Variants in SPC25 observed in about 807,000 individuals in gnomAD.
SPC25 encodes the protein SPC25 component of NDC80 kinetochore complex.
In SPC25, 22 loss-of-function variants were observed where a neutral mutation model predicts 29.6. The ratio of observed to expected loss-of-function variants is 0.74; its 90% CI spans 0.53 to 1.06. The LOEUF (loss-of-function observed/expected upper bound fraction) is 1.06. SPC25 is among the 50% of genes least tolerant of loss of function. The pLI, the probability that SPC25 is intolerant of heterozygous loss-of-function variation, is 0.00. For synonymous variants in SPC25, 91 were observed against 90.4 expected (o/e 1.01, Z -0.04); for missense variants, 230 against 255.8 (o/e 0.90, Z 0.69).
chr2:168,878,681 C>T (rs1690127835), intron 3 of SPC25, among the ~76,000 whole-genome samples: 1 of 152,112 alleles, frequency 6.6e-6, no homozygotes, highest in African/African-American at 2.4e-5. Context: ...TGGTACTACA[C>T]CCCAAAAAAA....
intron 3 of SPC25, among the ~76,000 whole-genome samples, chr2:168,889,011 G>GTACA (rs60956426): frequency 1.0e-5 from 1 of 98,814 alleles, no homozygotes; most frequent in Non-Finnish European, 1.9e-5. Context: ...ACACATATAT[G>GTACA]TATATATATA....
intron 4 of SPC25, chr2:168,863,422 A>C (rs931230438): frequency 1.1e-5 from 11 of 984,950 alleles, no homozygotes; most frequent in Middle Eastern, 5.2e-4. Context: ...CTGAAAAATC[A>C]CCTCAGAATG....
intron 3 of SPC25, among the ~76,000 whole-genome samples, chr2:168,879,907 A>T (rs1335198292): frequency 1.3e-5 from 2 of 152,226 alleles, no homozygotes; most frequent in Non-Finnish European, 2.9e-5. Context: ...TAATGAGCAG[A>T]AATATTTTGA....
At chr2:168,875,847 A>G (rs766783775) in intron 5 of SPC25, among the ~76,000 whole-genome samples, 18 of 152,178 alleles carry the variant, frequency 1.2e-4, no homozygotes, top group Admixed American at 4.6e-4. Context: ...AATTATTTGC[A>G]TGTTGACAAT....
chr2:168,876,989 C>A (rs1053208298), intron 4 of SPC25, among the ~76,000 whole-genome samples: 2 of 152,060 alleles, frequency 1.3e-5, no homozygotes, highest in African/African-American at 2.4e-5. Context: ...TTAATTAAAA[C>A]CTCCTATCAA....
chr2:168,884,736 T>C (rs187891538), intron 3 of SPC25: 2 of 152,296 alleles, frequency 1.3e-5, no homozygotes, highest in East Asian at 3.9e-4. Context: ...AATGTAATGC[T>C]CTGAAGATGA....
intron 4 of SPC25, chr2:168,864,992 C>T: frequency 6.2e-7 from 1 of 1,612,388 alleles, no homozygotes; most frequent in Non-Finnish European, 8.5e-7. Flanking sequence ...GAACATACTA[C>T]CTTCACACTC....
chr2:168,865,771 G>A (rs1056769313), intron 4 of SPC25, among the ~76,000 whole-genome samples: 2 of 126,870 alleles, frequency 1.6e-5, no homozygotes, highest in Non-Finnish European at 3.7e-5. Flanking sequence ...CTTCAGCAAA[G>A]TCTCAAGATA....
chr2:168,881,258 GTTC>G (rs1274785605), intron 3 of SPC25, among the ~76,000 whole-genome samples: 1 of 152,090 alleles, frequency 6.6e-6, no homozygotes, highest in African/African-American at 2.4e-5. Context: ...CTCTGTACAA[GTTC>G]TTCTTGCCCT....
intron 4 of SPC25, chr2:168,861,860 A>C: frequency 1.9e-6 from 2 of 1,072,726 alleles, no homozygotes. Flanking sequence ...AATTTAATAT[A>C]TTGAAACTCT....
chr2:168,873,786 A>C, intron 5 of SPC25, 103 bp from the exon 6 acceptor site: 3 of 624,518 alleles, frequency 4.8e-6, no homozygotes, highest in Non-Finnish European at 8.4e-6. Flanking sequence ...ATATACAGTC[A>C]TGTAACCAAC....
intron 3 of SPC25, among the ~76,000 whole-genome samples, chr2:168,881,308 C>T (rs1193783051): frequency 6.6e-6 from 1 of 152,286 alleles, no homozygotes; most frequent in East Asian, 1.9e-4. Context: ...AACTACCCAC[C>T]CCTTTCTCAC....
In SPC25 at chr2:168,877,459, C is replaced by T. The variant is rs573936601; in HGVS notation, c.200-75G>A. The T allele has an allele frequency of 5.3e-6, 8 of 1,502,842 alleles. No individual in the cohort carries two copies. In the African/African-American group the frequency reaches 7.0e-5, roughly 13 times the overall value. The allele number at this position is 1,502,842 out of a possible 1,614,324, so 93.1% of individuals were successfully genotyped here. A position where few individuals can be genotyped will look rare whatever the true frequency, so the allele number is the denominator to read the frequency against. On this transcript the variant is annotated intron_variant, in intron 3 of 6. Transcript: ENST00000282074. ...GTATCTAAGAAAAGGCCAAAGTTTA[C>T]TGACTTTCATAAAGATTAATAAAGA...
intron 4 of SPC25, among the ~76,000 whole-genome samples, chr2:168,863,089 T>G (rs541701528): frequency 6.6e-6 from 1 of 152,332 alleles, no homozygotes; most frequent in South Asian, 2.1e-4. Context: ...AGTTACATCA[T>G]TCACAATAAA....
downstream of SPC25, among the ~76,000 whole-genome samples, chr2:168,868,163 A>G (rs1462422983): frequency 6.6e-6 from 1 of 152,380 alleles, no homozygotes; most frequent in East Asian, 1.9e-4. Context: ...CAATGAGAAC[A>G]AAGACACAAC....
intron 4 of SPC25, among the ~76,000 whole-genome samples, chr2:168,864,524 A>C (rs1206146651): frequency 6.6e-6 from 1 of 152,042 alleles, no homozygotes; most frequent in African/African-American, 2.4e-5. Context: ...TGACCTTGTG[A>C]TCCACCCACC....
intron 3 of SPC25, among the ~76,000 whole-genome samples, chr2:168,888,924 CGTGTGTGTGT>C (rs375198489): frequency 1.5e-4 from 13 of 87,504 alleles, no homozygotes; most frequent in East Asian, 1.3e-3. Flanking sequence ...ACTACATGTA[CGTGTGTGTGT>C]GTGTGTGTGT....
chr2:168,881,424 G>C (rs1458891413), intron 3 of SPC25, among the ~76,000 whole-genome samples: 3 of 152,186 alleles, frequency 2.0e-5, no homozygotes, highest in African/African-American at 7.2e-5. Flanking sequence ...TCTGTTTGTT[G>C]GAAGAAAGAT....
rs148284950 is a variant in SPC25, at chr2:168,873,571, ATAT to A, written c.550+11_550+13del. 1,084 of 1,556,524 alleles carry A rather than the reference ATAT, an allele frequency of 7.0e-4. 8 individuals are homozygous for A. In the African/African-American group the frequency reaches 0.013, roughly 19 times the overall value. ...GCCAATCTTAAATACCAGTTAGGAG[ATAT>A]TAGTACATACCTTCATAGTCCCTTG... On this transcript the variant is annotated intron_variant, in intron 6 of 6. Coordinates refer to ENST00000282074, the MANE Select transcript of SPC25 (RefSeq NM_020675.4).
Sources: allele counts gnomAD v4.1 joint callset (sites outside exome capture counted in the v4.1 genomes callset), GRCh38; gene constraint gnomAD v4.1.1; transcripts MANE v1.5; gene names NCBI Gene and HGNC (gene_info 2026-07-23, HGNC 2026-07-21).